Variants in FARS2 observed in about 807,000 individuals in gnomAD.
FARS2 encodes the protein phenylalanyl-tRNA synthetase 2, mitochondrial.
Under a neutral mutation model 46.4 loss-of-function variants are expected in FARS2, and 40 were observed. That is an observed-to-expected ratio of 0.86 (90% confidence interval 0.67 to 1.12). The LOEUF (loss-of-function observed/expected upper bound fraction) is 1.12. Among genes scored for constraint, FARS2 ranks in the 50% most tolerant of loss-of-function variants. The pLI, the probability that FARS2 is intolerant of heterozygous loss-of-function variation, is 0.00. For synonymous variants in FARS2, 234 were observed against 214.9 expected (o/e 1.09, Z -0.78); for missense variants, 513 against 567.9 (o/e 0.90, Z 0.98).
At chr6:5,662,271 G>T (rs1195669236) in intron 6 of FARS2, among the ~76,000 whole-genome samples, 1 of 152,026 alleles carries the variant, frequency 6.6e-6, no homozygotes, top group African/African-American at 2.4e-5. Flanking sequence ...GCAGTGCATT[G>T]CAGACAATAT....
chr6:5,499,884 C>T (rs756396545), intron 4 of FARS2, among the ~76,000 whole-genome samples: 7 of 152,134 alleles, frequency 4.6e-5, no homozygotes, highest in Admixed American at 6.5e-5. Context: ...GCCTACATTT[C>T]CTGTTTCTTT....
intron 4 of FARS2, among the ~76,000 whole-genome samples, chr6:5,507,066 A>G (rs930686862): frequency 6.6e-6 from 1 of 152,246 alleles, no homozygotes; most frequent in Admixed American, 6.5e-5. Context: ...TCCGATTCAC[A>G]CAGACACCTA....
rs1160097225 is a variant in FARS2, at chr6:5,579,338, A to G, written c.1066-33831A>G. Among the ~76,000 whole-genome samples the G allele has an allele frequency of 2.6e-5, 4 of 152,056 alleles. No homozygotes were observed. The East Asian group carries it at 7.7e-4, about 29-fold the overall frequency. Reference sequence around the variant, plus strand: ...TGCAGCGGTGCAATCTCGGCTCACTACAACCTCCGCCTCCTGGGTTCAAGC... The same window carrying G: ...TGCAGCGGTGCAATCTCGGCTCACTGCAACCTCCGCCTCCTGGGTTCAAGC... On this transcript the variant is annotated intron_variant, in intron 5 of 6. Transcript: ENST00000274680.
At chr6:5,564,158 C>A (rs535317859) in intron 5 of FARS2, among the ~76,000 whole-genome samples, 34 of 152,328 alleles carry the variant, frequency 2.2e-4, no homozygotes, top group Admixed American at 1.9e-3. Context: ...AGGTGCTACC[C>A]TGTATAACCC....
intron 6 of FARS2, among the ~76,000 whole-genome samples, chr6:5,639,502 A>T (rs373031173): frequency 6.6e-6 from 1 of 152,210 alleles, no homozygotes; most frequent in Non-Finnish European, 1.5e-5. Flanking sequence ...GATTTTCAAG[A>T]ATGAGAAGTA....
At chr6:5,529,799 A>G (rs1769708222) in intron 4 of FARS2, among the ~76,000 whole-genome samples, 1 of 152,236 alleles carries the variant, frequency 6.6e-6, no homozygotes, top group South Asian at 2.1e-4. Flanking sequence ...AGCAAACATG[A>G]TGAAAACAGA....
chr6:5,746,937 G>A (rs1761679812), intron 6 of FARS2, among the ~76,000 whole-genome samples: 1 of 152,234 alleles, frequency 6.6e-6, no homozygotes, highest in South Asian at 2.1e-4. Context: ...TGATGGGAGA[G>A]CGTGTGCAGT....
chr6:5,256,686 C>A (rs1269599733), upstream of FARS2, among the ~76,000 whole-genome samples: 1 of 151,954 alleles, frequency 6.6e-6, no homozygotes, highest in Non-Finnish European at 1.5e-5. Flanking sequence ...CTGCAGTGCT[C>A]ATCACTCCTC....
chr6:5,508,021 A>G (rs1191472622), intron 4 of FARS2, among the ~76,000 whole-genome samples: 3 of 152,246 alleles, frequency 2.0e-5, no homozygotes, highest in Non-Finnish European at 2.9e-5. Flanking sequence ...GGAACAAGGC[A>G]TGAAGTTTTA....
At chr6:5,445,373 C>T (rs1281303813) in intron 4 of FARS2, among the ~76,000 whole-genome samples, 2 of 152,068 alleles carry the variant, frequency 1.3e-5, no homozygotes, top group Non-Finnish European at 2.9e-5. Flanking sequence ...ATTTATGGTA[C>T]TGTGGGGATA....
intron 1 of FARS2, among the ~76,000 whole-genome samples, chr6:5,367,549 A>G (rs1581900115): frequency 2.6e-5 from 4 of 151,856 alleles, no homozygotes; most frequent in Admixed American, 2.6e-4. Context: ...GAGTTTTGCC[A>G]GTTATACTTA....
intron 4 of FARS2, among the ~76,000 whole-genome samples, chr6:5,542,155 C>A (rs888891987): frequency 2.6e-5 from 4 of 151,904 alleles, no homozygotes; most frequent in Non-Finnish European, 5.9e-5. Context: ...TCTTGTGATA[C>A]CACCCCTGCT....
intron 6 of FARS2, among the ~76,000 whole-genome samples, chr6:5,711,830 AG>A (rs145041141): frequency 0.023 from 3,518 of 152,224 alleles, 131 homozygotes; most frequent in African/African-American, 0.079. Flanking sequence ...GGGAAAAGTG[AG>A]GGAATCTGAA....
Position 5,473,062 on chromosome 6 carries a change from T to A in FARS2, c.904+41890T>A, listed in dbSNP as rs185578940. ...ATACGTGGAATTATTTTTAACCAGTTTGTATTGTTCTTGTTTTGTTCTCGT... is the reference window on the plus strand; with the variant it reads ...ATACGTGGAATTATTTTTAACCAGTATGTATTGTTCTTGTTTTGTTCTCGT... On this transcript the variant is annotated intron_variant, in intron 4 of 6. Transcript: ENST00000274680. Among the ~76,000 whole-genome samples, 120 of 152,348 alleles carry A rather than the reference T, an allele frequency of 7.9e-4. 1 individual carries two copies. The highest frequency in any genetic ancestry group is 2.8e-3 in the African/African-American group (118 of 41,572).
chr6:5,691,740 G>A (rs2150864254), intron 6 of FARS2, among the ~76,000 whole-genome samples: 1 of 152,366 alleles, frequency 6.6e-6, no homozygotes, highest in African/African-American at 2.4e-5. Context: ...ATTTAAGTCT[G>A]CAGAGGTTTC....
At chr6:5,606,580 T>C (rs949401545) in intron 5 of FARS2, among the ~76,000 whole-genome samples, 6 of 152,072 alleles carry the variant, frequency 3.9e-5, no homozygotes, top group Non-Finnish European at 5.9e-5. Flanking sequence ...GGCCTAAGAT[T>C]TTACCTCACT....
intron 1 of FARS2, among the ~76,000 whole-genome samples, chr6:5,326,140 C>T (rs1363955208): frequency 1.3e-5 from 2 of 152,088 alleles, no homozygotes; most frequent in East Asian, 3.8e-4. Context: ...ATGGACAAAC[C>T]CCAAAGGAGA....
At chr6:5,394,697 G>A (rs1760786497) in intron 2 of FARS2, among the ~76,000 whole-genome samples, 1 of 152,038 alleles carries the variant, frequency 6.6e-6, no homozygotes, top group Non-Finnish European at 1.5e-5. Context: ...TAAGTGACAT[G>A]GAGTAGGGGC....
In FARS2 at chr6:5,728,283, C is replaced by T. The variant is rs1760396760; in HGVS notation, c.1218-43008C>T. ...AATAGCTGGGAATGGGCTGGTTTGG[C>T]TTGCTAATGTGCTTAGAAGGGTCTT... On this transcript the variant is annotated intron_variant, in intron 6 of 6. Coordinates refer to ENST00000274680, the MANE Select transcript of FARS2 (RefSeq NM_006567.5). Among the ~76,000 whole-genome samples the T allele has an allele frequency of 1.4e-4, 21 of 152,124 alleles. 1 individual carries two copies. The East Asian group carries it at 3.8e-3, about 27-fold the overall frequency.
Sources: gnomAD v4.1 joint callset for allele counts (sites outside exome capture counted in the v4.1 genomes callset) on GRCh38, gnomAD v4.1.1 for gene constraint, MANE v1.5 for transcripts, NCBI Gene and HGNC (gene_info 2026-07-23, HGNC 2026-07-21) for gene names.